LRP1B: variants seen among roughly 807,000 people sequenced by gnomAD.
LRP1B encodes the protein low-density lipoprotein receptor-related protein 1B.
Under a neutral mutation model 556.6 loss-of-function variants are expected in LRP1B, and 217 were observed. The observed-to-expected ratio is 0.39, with a 90% CI of 0.35 to 0.44. The LOEUF is 0.44. LRP1B is among the 20% of genes least tolerant of loss of function. LRP1B has a pLI of 1.00. For synonymous variants in LRP1B, 2,047 were observed against 1,865.8 expected, an observed-to-expected ratio of 1.10 and a Z score of -2.50; for missense variants, 5,053 against 5,620.8, an observed-to-expected ratio of 0.90 and a Z score of 3.23.
At chr2:141,535,728 A>G (rs2105200084) in intron 2 of LRP1B, among the ~76,000 whole-genome samples, 1 of 152,224 alleles carries the variant, frequency 6.6e-6, no homozygotes, top group Non-Finnish European at 1.5e-5. Context: ...GGGGCAATTT[A>G]AGAAATCACC....
rs16844564 is a variant in LRP1B, at chr2:140,704,477, C to T, written c.6024-1924G>A. ...AGCTTTATAAATCAGAAAGGAAAAA[C>T]TTTGTAGCATAAAATCCAACTAATA... On this transcript the variant is annotated intron_variant, in intron 37 of 90. Coordinates refer to ENST00000389484, the MANE Select transcript of LRP1B (RefSeq NM_018557.3). 3.9e-3 allele frequency among the ~76,000 whole-genome samples: 591 copies of T among 152,050 alleles called. 2 individuals carry two copies. Among genetic ancestry groups the T allele is most frequent in the African/African-American group, 0.013 (549 of 41,492 alleles).
At chr2:141,270,129 G>A (rs1244693683) in intron 3 of LRP1B, among the ~76,000 whole-genome samples, 5 of 152,006 alleles carry the variant, frequency 3.3e-5, no homozygotes, top group Admixed American at 2.0e-4. Context: ...AATGGGCGAA[G>A]ACTTCACATT....
intron 23 of LRP1B, chr2:140,898,502 C>A (rs773983485): frequency 1.7e-5 from 4 of 236,270 alleles, no homozygotes; most frequent in Non-Finnish European, 2.5e-5. Context: ...CGTGGGCTGA[C>A]CAAGTTCTCC....
chr2:140,988,614 A>G (rs994482289), intron 17 of LRP1B, among the ~76,000 whole-genome samples: 1 of 152,160 alleles, frequency 6.6e-6, no homozygotes, highest in African/African-American at 2.4e-5. Flanking sequence ...CCAAGAAAAA[A>G]GCTGGTGGTG....
chr2:141,337,341 C>A (rs1687882466), intron 3 of LRP1B, among the ~76,000 whole-genome samples: 1 of 152,016 alleles, frequency 6.6e-6, no homozygotes, highest in African/African-American at 2.4e-5. Context: ...CTAATATTGT[C>A]TTTGATTATG....
At chr2:140,959,697 T>TA (rs1334511599) in intron 18 of LRP1B, among the ~76,000 whole-genome samples, 1 of 151,810 alleles carries the variant, frequency 6.6e-6, no homozygotes, top group Non-Finnish European at 1.5e-5. Context: ...AATTTGGTTA[T>TA]ATATTTTAAG....
chr2:141,334,219 G>A (rs569954766), intron 3 of LRP1B, among the ~76,000 whole-genome samples: 42 of 152,290 alleles, frequency 2.8e-4, no homozygotes, highest in African/African-American at 9.1e-4. Flanking sequence ...AGTGTTGGAC[G>A]TGGGGCCTGT....
chr2:141,625,602 T>C (rs1688677400), intron 2 of LRP1B, among the ~76,000 whole-genome samples: 1 of 152,176 alleles, frequency 6.6e-6, no homozygotes, highest in South Asian at 2.1e-4. Context: ...CCAGGCATAG[T>C]ACGTGATCGA....
At chr2:141,651,282 A>G (rs1689779124) in intron 2 of LRP1B, among the ~76,000 whole-genome samples, 1 of 152,238 alleles carries the variant, frequency 6.6e-6, no homozygotes. Context: ...GTCTGTAAAC[A>G]TGTAGCAAGG....
chr2:140,784,476 G>A (rs974104039), intron 32 of LRP1B, among the ~76,000 whole-genome samples: 5 of 149,908 alleles, frequency 3.3e-5, no homozygotes, highest in African/African-American at 1.2e-4. Flanking sequence ...AAGGTCTCCT[G>A]CTTGAACTCA....
chr2:140,994,145 A>C lies in LRP1B; in HGVS notation c.2504-10T>G. 1 of 1,610,782 alleles carries C rather than the reference A, an allele frequency of 6.2e-7. No homozygotes were observed. The highest frequency in any genetic ancestry group is 2.2e-5 in the East Asian group (1 of 44,732). ...GCTTCTCCAGGATTAACTAGAGTTA[A>C]AAAAACCCAAGGTATATGAATAATG... On this transcript the variant is annotated splice_polypyrimidine_tract_variant and intron_variant, in intron 15 of 90. Coordinates refer to ENST00000389484, the MANE Select transcript of LRP1B (RefSeq NM_018557.3).
chr2:141,663,920 CAAA>C (rs796406816), intron 2 of LRP1B, among the ~76,000 whole-genome samples: 1 of 113,320 alleles, frequency 8.8e-6, no homozygotes, highest in Admixed American at 9.2e-5. Context: ...AGAGATACAT[CAAA>C]AAAAAAAAAA....
At chr2:141,501,707 T>A (rs1683717155) in intron 2 of LRP1B, among the ~76,000 whole-genome samples, 1 of 152,164 alleles carries the variant, frequency 6.6e-6, no homozygotes, top group East Asian at 1.9e-4. Flanking sequence ...GTATTCATGA[T>A]GTAGTTGTAG....
intron 1 of LRP1B, among the ~76,000 whole-genome samples, chr2:142,078,068 A>G (rs1705574120): frequency 6.6e-6 from 1 of 152,062 alleles, no homozygotes; most frequent in East Asian, 1.9e-4. Flanking sequence ...TTTTCACAAC[A>G]TGTAATCAAA....
At chr2:140,412,999 A>G (rs1232777507) in intron 66 of LRP1B, among the ~76,000 whole-genome samples, 1 of 152,080 alleles carries the variant, frequency 6.6e-6, no homozygotes, top group Non-Finnish European at 1.5e-5. Flanking sequence ...GAATACTGGG[A>G]AGTGTAAGGG....
intron 3 of LRP1B, among the ~76,000 whole-genome samples, chr2:141,291,855 C>CAAAAAAAAAAAAAAAAAA (rs143819331): frequency 1.0e-5 from 1 of 99,334 alleles, no homozygotes; most frequent in Non-Finnish European, 1.9e-5. Context: ...GACTCTGTCT[C>CAAAAAAAAAAAAAAAAAA]AAAAAAAAAA....
At chr2:140,309,950 TTGGGACA>T (rs1283844906) in intron 83 of LRP1B, among the ~76,000 whole-genome samples, 1 of 151,744 alleles carries the variant, frequency 6.6e-6, no homozygotes, top group Non-Finnish European at 1.5e-5. Context: ...TACATAATCC[TTGGGACA>T]TATTTCAAAA....
At chr2:140,603,929 G>A (rs554854435) in intron 41 of LRP1B, among the ~76,000 whole-genome samples, 91 of 151,910 alleles carry the variant, frequency 6.0e-4, no homozygotes, top group African/African-American at 2.0e-3. Context: ...ATTATTTATC[G>A]ACAGTGAGAG....
chr2:140,420,807 A>G (rs896864234), intron 66 of LRP1B, among the ~76,000 whole-genome samples: 1 of 152,236 alleles, frequency 6.6e-6, no homozygotes, highest in African/African-American at 2.4e-5. Context: ...AGTGACTTCA[A>G]GCAACTAAGT....
Sources: gnomAD v4.1 joint callset for allele counts (sites outside exome capture counted in the v4.1 genomes callset) on GRCh38, gnomAD v4.1.1 for gene constraint, MANE v1.5 for transcripts, NCBI Gene and HGNC (gene_info 2026-07-23, HGNC 2026-07-21) for gene names.